NCAM1: variants seen among roughly 807,000 people sequenced by gnomAD.
NCAM1 encodes the protein antigen recognized by monoclonal antibody 5.1H11.
In NCAM1, 14 loss-of-function variants were observed where a neutral mutation model predicts 109.8. The observed-to-expected ratio is 0.13, with a 90% CI of 0.08 to 0.20. The LOEUF (loss-of-function observed/expected upper bound fraction) is 0.20, where lower values mean the gene tolerates loss of function less well. Ranked by LOEUF, NCAM1 falls within the 10% of genes least tolerant of loss-of-function variation. NCAM1 has a pLI of 1.00. For synonymous variants in NCAM1, 418 were observed against 442.9 expected (o/e 0.94, Z 0.70); for missense variants, 774 against 1,109.9 (o/e 0.70, Z 4.30).
At chr11:113,007,937 G>T (rs1350102389) in intron 1 of NCAM1, among the ~76,000 whole-genome samples, 1 of 152,142 alleles carries the variant, frequency 6.6e-6, no homozygotes, top group Non-Finnish European at 1.5e-5. Flanking sequence ...GCTTAAAAGT[G>T]ATATATGGTA....
At chr11:113,160,017 T>C (rs1412365257) in intron 1 of NCAM1, among the ~76,000 whole-genome samples, 3 of 152,096 alleles carry the variant, frequency 2.0e-5, no homozygotes, top group African/African-American at 4.8e-5. Context: ...TGTATGTAGC[T>C]CCTTCCTTCC....
intron 1 of NCAM1, among the ~76,000 whole-genome samples, chr11:113,088,523 C>A (rs1291968074): frequency 8.5e-6 from 1 of 117,140 alleles, no homozygotes; most frequent in Non-Finnish European, 1.8e-5. Context: ...CCCCACTCAA[C>A]CATTTGATAT....
chr11:112,979,645 G>A (rs1326370703), intron 1 of NCAM1, among the ~76,000 whole-genome samples: 1 of 151,764 alleles, frequency 6.6e-6, no homozygotes, highest in Admixed American at 6.6e-5. Flanking sequence ...AATCTGTTTT[G>A]GGATCTATCT....
At chr11:113,221,913 A>G (rs888653821) in intron 9 of NCAM1, 7 of 152,498 alleles carry the variant, frequency 4.6e-5, no homozygotes, top group African/African-American at 1.7e-4. Context: ...ATGATGTGGT[A>G]CAAATGGTTT....
At chr11:113,185,210 T>A (rs1943473373) in intron 1 of NCAM1, among the ~76,000 whole-genome samples, 1 of 151,696 alleles carries the variant, frequency 6.6e-6, no homozygotes, top group African/African-American at 2.4e-5. Flanking sequence ...TATAGTCTAG[T>A]TTCAATCTGA....
intron 8 of NCAM1, among the ~76,000 whole-genome samples, chr11:113,220,423 T>C (rs776660937): frequency 3.9e-5 from 6 of 152,152 alleles, no homozygotes; most frequent in Non-Finnish European, 7.3e-5. Flanking sequence ...TTCATACTTC[T>C]CATTCCTAGT....
chr11:113,163,774 C>T (rs1178045959), intron 1 of NCAM1, among the ~76,000 whole-genome samples: 1 of 152,196 alleles, frequency 6.6e-6, no homozygotes, highest in East Asian at 1.9e-4. Context: ...CAGGGTTCAA[C>T]TGCCCTGAAG....
intron 17 of NCAM1, among the ~76,000 whole-genome samples, chr11:113,266,599 A>G (rs1164388797): frequency 6.6e-6 from 1 of 151,744 alleles, no homozygotes; most frequent in African/African-American, 2.4e-5. Context: ...TGCTTGTTCA[A>G]CTCCTGTTTC....
chr11:113,092,539 T>C lies in NCAM1; in HGVS notation c.53-109840T>C, dbSNP rs115921227. Among the ~76,000 whole-genome samples the C allele has an allele frequency of 3.7e-3, 569 of 152,292 alleles. 6 individuals are homozygous for C. The highest frequency in any genetic ancestry group is 0.012 in the African/African-American group (509 of 41,562). ...GTTACACAGCTACCAAGTAGTGGAA[T>C]TGGGATTCAAATCCCAGCAGAACTG... On this transcript the variant is annotated intron_variant, in intron 1 of 19. Transcript: ENST00000316851.
Position 113,274,623 on chromosome 11 carries a change from C to T in NCAM1, c.2457-644C>T, listed in dbSNP as rs967325963. Among the ~76,000 whole-genome samples the T allele has an allele frequency of 1.3e-5, 2 of 152,206 alleles. No individual in the cohort carries two copies. Among genetic ancestry groups the T allele is most frequent in the African/African-American group, 4.8e-5 (2 of 41,458 alleles). On this transcript the variant is annotated intron_variant, in intron 19 of 19. Transcript: ENST00000316851. The surrounding 1 kb of genome is among the most constrained non-coding windows in gnomAD (Gnocchi z 4.1). The stretch of plus-strand genomic sequence containing the variant: ...GGGAAAAGGACTCTGATAGCCCTGC[C>T]CACTCAGCTGCCCTCAACTCTCGCA...
intron 1 of NCAM1, among the ~76,000 whole-genome samples, chr11:113,174,962 A>T (rs11214530): frequency 2.6e-5 from 4 of 152,088 alleles, no homozygotes; most frequent in African/African-American, 9.7e-5. Flanking sequence ...AAGGTTGTAT[A>T]TATGTGTGGA....
intron 8 of NCAM1, among the ~76,000 whole-genome samples, chr11:113,214,968 T>C (rs968894884): frequency 6.6e-6 from 1 of 152,260 alleles, no homozygotes; most frequent in Admixed American, 6.5e-5. Context: ...TATGCACTTA[T>C]GCACAAATGC....
chr11:113,218,387 A>G (rs1775996011), intron 8 of NCAM1, among the ~76,000 whole-genome samples: 1 of 152,184 alleles, frequency 6.6e-6, no homozygotes, highest in African/African-American at 2.4e-5. Context: ...AGGTTCAATG[A>G]TTCCTTTAAC....
At chr11:113,198,333 T>G (rs1943918479) in intron 1 of NCAM1, among the ~76,000 whole-genome samples, 1 of 152,128 alleles carries the variant, frequency 6.6e-6, no homozygotes, top group Non-Finnish European at 1.5e-5. Flanking sequence ...CCAGTTATAG[T>G]TAACCAGGAG....
chr11:113,174,012 T>C (rs1299076479), intron 1 of NCAM1, among the ~76,000 whole-genome samples: 1 of 152,146 alleles, frequency 6.6e-6, no homozygotes, highest in Non-Finnish European at 1.5e-5. Context: ...CCTTTGTCAT[T>C]GTGTATTTAG....
At chr11:113,129,561 C>T (rs971853021) in intron 1 of NCAM1, among the ~76,000 whole-genome samples, 11 of 152,110 alleles carry the variant, frequency 7.2e-5, no homozygotes, top group Non-Finnish European at 1.6e-4. Context: ...CAGGGATGAA[C>T]TTGGTCAGGA....
intron 1 of NCAM1, among the ~76,000 whole-genome samples, chr11:112,998,274 G>C (rs1202359662): frequency 1.3e-5 from 2 of 152,188 alleles, no homozygotes; most frequent in Admixed American, 6.5e-5. Flanking sequence ...ACTGTGGTCA[G>C]TTCACCAAGG....
chr11:113,028,274 G>A (rs145159663), intron 1 of NCAM1, among the ~76,000 whole-genome samples: 63 of 152,162 alleles, frequency 4.1e-4, no homozygotes, highest in African/African-American at 1.4e-3. Flanking sequence ...TACATGTACC[G>A]GAACATCACA....
intron 1 of NCAM1, among the ~76,000 whole-genome samples, chr11:113,137,008 T>C (rs1171644804): frequency 1.3e-5 from 2 of 152,080 alleles, no homozygotes; most frequent in Non-Finnish European, 2.9e-5. Context: ...ACGTGGACAG[T>C]ATGCTTAGAG....
Sources: allele counts gnomAD v4.1 joint callset (sites outside exome capture counted in the v4.1 genomes callset), GRCh38; gene constraint gnomAD v4.1.1; non-coding constraint Gnocchi (gnomAD v3.1); transcripts MANE v1.5; gene names NCBI Gene and HGNC (gene_info 2026-07-23, HGNC 2026-07-21).